The following ST8SIA6 variants were observed in gnomAD, a reference collection of about 807,000 sequenced individuals.
ST8SIA6 encodes ST8 alpha-N-acetyl-neuraminide alpha-2,8-sialyltransferase 6.
Under a neutral mutation model 33.6 loss-of-function variants are expected in ST8SIA6, and 39 were observed. The ratio of observed to expected loss-of-function variants is 1.16; its 90% CI spans 0.90 to 1.52. The LOEUF is 1.52. ST8SIA6 is among the 40% of genes most tolerant of loss of function. ST8SIA6 has a pLI of 0.00. For synonymous variants in ST8SIA6, 172 were observed against 167.2 expected (o/e 1.03, Z -0.22); for missense variants, 441 against 443.8 (o/e 0.99, Z 0.06).
intron 6 of ST8SIA6, among the ~76,000 whole-genome samples, chr10:17,325,904 A>C (rs910214056): frequency 6.6e-6 from 1 of 152,168 alleles, no homozygotes; most frequent in African/African-American, 2.4e-5. Flanking sequence ...TACTTGCTAT[A>C]AAGTATAATG....
intron 2 of ST8SIA6, among the ~76,000 whole-genome samples, chr10:17,411,429 C>CTG (rs1851445903): frequency 6.6e-6 from 1 of 152,088 alleles, no homozygotes; most frequent in South Asian, 2.1e-4. Context: ...GTGATCTTCC[C>CTG]ACCTGGGCCT....
intron 2 of ST8SIA6, among the ~76,000 whole-genome samples, chr10:17,448,567 T>A (rs1193099306): frequency 1.3e-5 from 2 of 152,064 alleles, no homozygotes; most frequent in African/African-American, 4.8e-5. Flanking sequence ...ATTTGGGTAC[T>A]CACTTATGGC....
At position 17,317,357 on chromosome 10, in the gene ST8SIA6, C is replaced by A. The variant is rs1467998695; in HGVS notation, c.*3521G>T. ...CACTCTCAGGAGGGTACTGGTGACA[C>A]TGTTCCTCGCTATGGGATCAGCCTT... is the stretch of plus-strand genomic sequence containing the variant. On this transcript the variant is annotated 3_prime_UTR_variant, in exon 8 of 8. Transcript: ENST00000377602. 6.6e-6 allele frequency among the ~76,000 whole-genome samples: 1 copy of A among 152,148 alleles called. No individual in the cohort carries two copies. The highest frequency in any genetic ancestry group is 2.4e-5 in the African/African-American group (1 of 41,444).
At chr10:17,357,020 C>T (rs1032749204) in intron 4 of ST8SIA6, among the ~76,000 whole-genome samples, 2 of 152,312 alleles carry the variant, frequency 1.3e-5, no homozygotes, top group African/African-American at 4.8e-5. Flanking sequence ...GGTTACCTTC[C>T]CCCAAGGGAA....
At chr10:17,453,482 C>G in intron 2 of ST8SIA6, 77 bp downstream of exon 2, 1 of 1,157,454 alleles carries the variant, frequency 8.6e-7, no homozygotes, top group Non-Finnish European at 1.1e-6. Flanking sequence ...CCAACGAGTC[C>G]AAGCCGGTGC....
chr10:17,333,112 G>A (rs897572473), intron 4 of ST8SIA6, among the ~76,000 whole-genome samples: 4 of 152,084 alleles, frequency 2.6e-5, no homozygotes, highest in African/African-American at 9.7e-5. Context: ...GACAAGCAGA[G>A]AGCCAAATCA....
intron 2 of ST8SIA6, among the ~76,000 whole-genome samples, chr10:17,448,449 A>C (rs1852793719): frequency 6.6e-6 from 1 of 152,234 alleles, no homozygotes; most frequent in Non-Finnish European, 1.5e-5. Context: ...AATCATAGCC[A>C]AGACATGGAT....
rs534660171 is a variant in ST8SIA6 at position 17,406,438 on chromosome 10, G to A, written c.201-15818C>T. Among the ~76,000 whole-genome samples, 283 of 152,186 alleles carry A rather than the reference G, an allele frequency of 1.9e-3. 2 individuals carry two copies. Among genetic ancestry groups the A allele is most frequent in the Middle Eastern group, 6.8e-3 (2 of 294 alleles). On this transcript the variant is annotated intron_variant, in intron 2 of 7. Coordinates refer to ENST00000377602, the MANE Select transcript of ST8SIA6 (RefSeq NM_001004470.3). ...TCTCTGAGCTGTATTGTTCTTTGTCGAATATACGACATAAGCCAGACTCTT... is the reference window on the plus strand; with the variant it reads ...TCTCTGAGCTGTATTGTTCTTTGTCAAATATACGACATAAGCCAGACTCTT...
chr10:17,439,625 G>T (rs1367693191), intron 2 of ST8SIA6, among the ~76,000 whole-genome samples: 2 of 152,208 alleles, frequency 1.3e-5, no homozygotes, highest in Non-Finnish European at 2.9e-5. Flanking sequence ...TTCCAAAGTA[G>T]CTGCACTTGG....
chr10:17,356,885 G>C (rs1311414064), intron 4 of ST8SIA6, among the ~76,000 whole-genome samples: 1 of 152,100 alleles, frequency 6.6e-6, no homozygotes, highest in African/African-American at 2.4e-5. Context: ...TGGATTTGAA[G>C]AGACTGATTT....
rs1165578414 is a variant in ST8SIA6, at chr10:17,333,672, G to GATAT, written c.378-2124_378-2121dup. Among the ~76,000 whole-genome samples the GATAT allele has an allele frequency of 7.3e-3, 257 of 35,060 alleles. 1 individual carries two copies. The highest frequency in any genetic ancestry group is 8.7e-3 in the Non-Finnish European group (193 of 22,170). 23.0% of individuals were successfully genotyped at this position (35,060 alleles called of 152,430 possible). A position where few individuals can be genotyped will look rare whatever the true frequency, so the allele number is the denominator to read the frequency against. On this transcript the variant is annotated intron_variant, in intron 4 of 7. Transcript: ENST00000377602. ...TTCCCTACTTAATAAATGGTGCTGG[G>GATAT]ATATATATATATATATATATATATA... is the stretch of plus-strand genomic sequence containing the variant.
intron 4 of ST8SIA6, among the ~76,000 whole-genome samples, chr10:17,341,113 A>G (rs1178384823): frequency 6.6e-6 from 1 of 152,262 alleles, no homozygotes; most frequent in Non-Finnish European, 1.5e-5. Context: ...TTGACTTTCT[A>G]GAACCCAGCA....
chr10:17,437,689 CTCCCT>C, intron 2 of ST8SIA6, among the ~76,000 whole-genome samples: 1 of 148,512 alleles, frequency 6.7e-6, no homozygotes, highest in South Asian at 2.2e-4. Context: ...CTTTCTCTTT[CTCCCT>C]TCCCTTCCTT....
chr10:17,419,745 T>TA (rs1289845808), intron 2 of ST8SIA6, among the ~76,000 whole-genome samples: 1 of 152,214 alleles, frequency 6.6e-6, no homozygotes, highest in Non-Finnish European at 1.5e-5. Flanking sequence ...ATCCCTTTCT[T>TA]GTTTTTGTTT....
At chr10:17,398,310 G>C (rs990257356) in intron 2 of ST8SIA6, among the ~76,000 whole-genome samples, 1 of 151,078 alleles carries the variant, frequency 6.6e-6, no homozygotes, top group Non-Finnish European at 1.5e-5. Flanking sequence ...CTGGGTGACA[G>C]AGCAAGACTC....
chr10:17,327,929 G>GTAAAA (rs899965144), intron 5 of ST8SIA6, among the ~76,000 whole-genome samples: 1 of 144,318 alleles, frequency 6.9e-6, no homozygotes, highest in Non-Finnish European at 1.6e-5. Context: ...AAATGTGTAA[G>GTAAAA]TAAAATAAAA....
At chr10:17,433,602 A>G (rs1395047110) in intron 2 of ST8SIA6, among the ~76,000 whole-genome samples, 1 of 152,134 alleles carries the variant, frequency 6.6e-6, no homozygotes, top group Non-Finnish European at 1.5e-5. Flanking sequence ...CCCTGGAAGG[A>G]GGGCCAGGGG....
intron 2 of ST8SIA6, among the ~76,000 whole-genome samples, chr10:17,396,995 G>A (rs929164506): frequency 7.2e-5 from 11 of 151,876 alleles, no homozygotes; most frequent in African/African-American, 2.7e-4. Flanking sequence ...GGGTCCTTTC[G>A]CAGTTTCTTT....
At chr10:17,423,822 A>G (rs1375470437) in intron 2 of ST8SIA6, among the ~76,000 whole-genome samples, 2 of 152,242 alleles carry the variant, frequency 1.3e-5, no homozygotes, top group African/African-American at 4.8e-5. Flanking sequence ...TCTGTCTGAA[A>G]TCATCTTCAG....
Sources: gnomAD v4.1 joint callset for allele counts (sites outside exome capture counted in the v4.1 genomes callset) on GRCh38, gnomAD v4.1.1 for gene constraint, MANE v1.5 for transcripts, NCBI Gene and HGNC (gene_info 2026-07-23, HGNC 2026-07-21) for gene names.